Variants in TNFRSF25 observed in about 807,000 individuals in gnomAD.
The protein encoded by TNFRSF25 is tumor necrosis factor receptor superfamily member 25.
TNFRSF25 carries 28 observed loss-of-function variants against 49.4 expected under a neutral mutation model. The observed-to-expected ratio is 0.57, with a 90% CI of 0.42 to 0.78. The LOEUF (loss-of-function observed/expected upper bound fraction) is 0.78, where lower values mean the gene tolerates loss of function less well. TNFRSF25 is among the 30% of genes least tolerant of loss of function. TNFRSF25 has a pLI of 0.00. For missense variants in TNFRSF25, 531 were observed against 581.6 expected (o/e 0.91, Z 0.90); for synonymous variants, 240 against 234.2 (o/e 1.02, Z -0.23).
Position 6,466,157 on chromosome 1 carries a change from G to T in TNFRSF25, c.-50C>A. On this transcript the variant is annotated 5_prime_UTR_variant, in exon 1 of 10. Transcript: ENST00000356876. ...CTTCCCGGCTCCGTGCTCTCTGCCC[G>T]TCGTGGTTCCGCCTTCAGCCCCGCG... 1 of 1,401,160 alleles carries T rather than the reference G, an allele frequency of 7.1e-7. No homozygotes were observed. Among genetic ancestry groups the T allele is most frequent in the South Asian group, 1.6e-5 (1 of 62,580 alleles). 86.8% of individuals were successfully genotyped at this position (1,401,160 alleles called of 1,614,324 possible).
In TNFRSF25 at chr1:6,461,397, G is replaced by A. The variant is rs777836708; in HGVS notation, c.*37C>T. The A allele has an allele frequency of 1.2e-5, 17 of 1,475,220 alleles. No individual in the cohort carries two copies. The East Asian group carries it at 4.0e-4, about 34-fold the overall frequency. The allele number at this position is 1,475,220 out of a possible 1,614,324, so 91.4% of individuals were successfully genotyped here. A position where few individuals can be genotyped will look rare whatever the true frequency, so the allele number is the denominator to read the frequency against. ...TAACCGTACTTAGGGCTTCTGCAAGGGCCACCAGAGCGCCTAGGTGGCAAG... is the reference window on the plus strand; with the variant it reads ...TAACCGTACTTAGGGCTTCTGCAAGAGCCACCAGAGCGCCTAGGTGGCAAG... On this transcript the variant is annotated 3_prime_UTR_variant, in exon 10 of 10. Coordinates refer to ENST00000356876, the MANE Select transcript of TNFRSF25 (RefSeq NM_003790.3). This position sits in a 1 kb window ranked among gnomAD's most constrained non-coding sequence, Gnocchi z 6.3.
Position 6,461,459 on chromosome 1 carries a change from C to A in TNFRSF25, c.1229G>T (p.Arg410Leu), listed in dbSNP as rs778803045. 2 of 1,541,120 alleles carry A rather than the reference C, an allele frequency of 1.3e-6. No individual in the cohort carries two copies. The highest frequency in any genetic ancestry group is 1.2e-5 in the South Asian group (1 of 83,986). Residue 410 changes from arginine to leucine, a missense_variant, in exon 10 of 10, where the codon CGC becomes CTC. Arg to Leu is a moderately radical substitution (Grantham distance 102). Coordinates refer to ENST00000356876, the MANE Select transcript of TNFRSF25 (RefSeq NM_003790.3). The surrounding 1 kb of genome is among the most constrained non-coding windows in gnomAD (Gnocchi z 6.3). The part of the protein sequence containing the change: ...MGLDGCVEDL[R>L]SRLQRGP Reference sequence around the variant, plus strand: ...TCACGGGCCGCGCTGCAGGCGGCTGCGCAAGTCTTCCACGCAGCCGTCCAG... The same window carrying A: ...TCACGGGCCGCGCTGCAGGCGGCTGAGCAAGTCTTCCACGCAGCCGTCCAG...
At position 6,461,444 on chromosome 1, in the gene TNFRSF25, C is replaced by A; in HGVS notation, c.1244G>T (p.Arg415Leu). 6.6e-7 allele frequency: 1 copy of A among 1,517,470 alleles called. No homozygotes were observed. Among genetic ancestry groups the A allele is most frequent in the Non-Finnish European group, 8.8e-7 (1 of 1,134,338 alleles). 94.0% of individuals were successfully genotyped at this position (1,517,470 alleles called of 1,614,324 possible). ...CVEDLRSRLQ[R>L]GP ...CAAGTGGGCGCCGTGTCACGGGCCG[C>A]GCTGCAGGCGGCTGCGCAAGTCTTC... Residue 415 changes from arginine (R) to leucine (L), a missense_variant, in exon 10 of 10, where the codon CGC becomes CTC. Transcript: ENST00000356876. This position sits in a 1 kb window ranked among gnomAD's most constrained non-coding sequence, Gnocchi z 6.3.
Position 6,461,932 on chromosome 1 carries a change from C to T in TNFRSF25, c.925+62G>A. 2 of 1,541,068 alleles carry T rather than the reference C, an allele frequency of 1.3e-6. No homozygotes were observed. The highest frequency in any genetic ancestry group is 8.7e-7 in the Non-Finnish European group (1 of 1,147,510). ...GCAGAAAGGGAACACGTTGTGAAAC[C>T]ACAACTTCCCACCGCAGACAGGAGA... On this transcript the variant is annotated intron_variant, in intron 9 of 9. Coordinates refer to ENST00000356876, the MANE Select transcript of TNFRSF25 (RefSeq NM_003790.3). This position sits in a 1 kb window ranked among gnomAD's most constrained non-coding sequence, Gnocchi z 6.3.
At chr1:6,465,893 G>A (rs141743196) in intron 1 of TNFRSF25, 176 bp downstream of exon 1, 102 of 1,421,702 alleles carry the variant, frequency 7.2e-5, no homozygotes, top group Non-Finnish European at 8.1e-5. Context: ...TCCTGGGAGG[G>A]GTTTCCTCTC....
chr1:6,465,989 C>A, intron 1 of TNFRSF25, 80 bp downstream of exon 1: 1 of 1,512,868 alleles, frequency 6.6e-7, no homozygotes, highest in Non-Finnish European at 8.9e-7. Flanking sequence ...GGAGTGGAGA[C>A]GCGCCCGGGG....
chr1:6,461,492 C>T lies in TNFRSF25; in HGVS notation c.1196G>A (p.Arg399His), dbSNP rs775834542. 7.7e-5 allele frequency: 122 copies of T among 1,585,590 alleles called. No individual in the cohort carries two copies. The Middle Eastern group carries it at 1.3e-3, about 17-fold the overall frequency. The change falls in exon 10 of 10, where the codon CGC becomes CAC. Residue 399 changes from arginine (R) to histidine (H), a missense_variant. Arg to His is a conservative substitution (Grantham distance 29). Coordinates refer to ENST00000356876, the MANE Select transcript of TNFRSF25 (RefSeq NM_003790.3). This position sits in a 1 kb window ranked among gnomAD's most constrained non-coding sequence, Gnocchi z 6.3. ...TTCCACGCAGCCGTCCAGCCCCATG[C>T]GCTCCAGGGCCGCGTAAACGGCTCC... ...GLGAVYAALE[R>H]MGLDGCVEDL...
In TNFRSF25 at chr1:6,465,403, C is replaced by A. The variant is rs774429423; in HGVS notation, c.160+37G>T. On this transcript the variant is annotated intron_variant, in intron 2 of 9. Coordinates refer to ENST00000356876, the MANE Select transcript of TNFRSF25 (RefSeq NM_003790.3). ...CCTGCCCGCCACCTCTCCAGCCCTG[C>A]CTGCCCCATGCCTCTCCCACCCCTG... 3.1e-6 allele frequency: 5 copies of A among 1,613,234 alleles called. No homozygotes were observed. In the Admixed American group the frequency reaches 8.3e-5, roughly 27 times the overall value.
chr1:6,460,809 T>G lies in TNFRSF25; in HGVS notation c.*625A>C. On this transcript the variant is annotated 3_prime_UTR_variant, in exon 10 of 10. Coordinates refer to ENST00000356876, the MANE Select transcript of TNFRSF25 (RefSeq NM_003790.3). ...CAGACCCACTCGCTGCCGGGACCCTTTCACTGCCCCGGTGGAGTGAATAGA... is the reference window on the plus strand; with the variant it reads ...CAGACCCACTCGCTGCCGGGACCCTGTCACTGCCCCGGTGGAGTGAATAGA... 1 of 210,098 alleles carries G rather than the reference T, an allele frequency of 4.8e-6. No homozygotes were observed. The highest frequency in any genetic ancestry group is 5.4e-5 in the Admixed American group (1 of 18,520). 13.0% of individuals were successfully genotyped at this position (210,098 alleles called of 1,614,324 possible).
In TNFRSF25 at chr1:6,462,736, C is replaced by T. The variant is rs919392249; in HGVS notation, c.707-70G>A. 6.3e-7 allele frequency: 1 copy of T among 1,596,322 alleles called. No individual in the cohort carries two copies. Among genetic ancestry groups the T allele is most frequent in the Non-Finnish European group, 8.5e-7 (1 of 1,171,052 alleles). ...CTGGACCTGGGTGCTGGTACAGCTCCTCTAGGGTTCCTCTGCACCCCACAC... is the reference window on the plus strand; with the variant it reads ...CTGGACCTGGGTGCTGGTACAGCTCTTCTAGGGTTCCTCTGCACCCCACAC... On this transcript the variant is annotated intron_variant, in intron 7 of 9. Transcript: ENST00000356876. The surrounding 1 kb of genome is among the most constrained non-coding windows in gnomAD (Gnocchi z 4.2).
Position 6,462,735 on chromosome 1 carries a change from C to T in TNFRSF25, c.707-69G>A. The T allele has an allele frequency of 6.3e-7, 1 of 1,597,228 alleles. No individual in the cohort carries two copies. The highest frequency in any genetic ancestry group is 8.5e-7 in the Non-Finnish European group (1 of 1,171,510). ...CCTGGACCTGGGTGCTGGTACAGCT[C>T]CTCTAGGGTTCCTCTGCACCCCACA... On this transcript the variant is annotated intron_variant, in intron 7 of 9. Transcript: ENST00000356876. This position sits in a 1 kb window ranked among gnomAD's most constrained non-coding sequence, Gnocchi z 4.2.
intron 1 of TNFRSF25, 171 bp from the exon 2 acceptor site, chr1:6,465,731 C>G (rs952974636): frequency 8.0e-5 from 114 of 1,433,254 alleles, no homozygotes; most frequent in South Asian, 1.0e-4. Context: ...TCCTTCCCCC[C>G]GCGCACACAC....
chr1:6,465,554 G>A lies in TNFRSF25; in HGVS notation c.46C>T (p.Leu16Phe), dbSNP rs1200646937. 20 of 1,612,634 alleles carry A rather than the reference G, an allele frequency of 1.2e-5. No homozygotes were observed. Among genetic ancestry groups the A allele is most frequent in the East Asian group, 2.2e-5 (1 of 44,846 alleles). The change falls in exon 2 of 10, where the codon CTC becomes TTC. Residue 16 changes from leucine to phenylalanine, a missense_variant. Physicochemically the swap from Leu to Phe is conservative, Grantham distance 22 (BLOSUM62 0). Coordinates refer to ENST00000356876, the MANE Select transcript of TNFRSF25 (RefSeq NM_003790.3). Reference protein sequence around the residue: ...RGCAAVAAALLLVLLGARAQG... With the variant: ...RGCAAVAAALFLVLLGARAQG... ...GCCCGGGCCCCCAGCAGCACCAGGA[G>A]GAGCGCCTGGGGGACAGGTGCTGCT...
rs541916969 is a variant in TNFRSF25, at chr1:6,465,319, C to A, written c.161-97G>T. 7 of 1,531,710 alleles carry A rather than the reference C, an allele frequency of 4.6e-6. No homozygotes were observed. The African/African-American group carries it at 6.9e-5, about 15-fold the overall frequency. The allele number at this position is 1,531,710 out of a possible 1,614,324, so 94.9% of individuals were successfully genotyped here. A position where few individuals can be genotyped will look rare whatever the true frequency, so the allele number is the denominator to read the frequency against. Reference sequence around the variant, plus strand: ...CCTCCCTCCCTCTTTCTCTCCAGCTCCCTACTTCTCTGTCAGCCTACCCCT... The same window carrying A: ...CCTCCCTCCCTCTTTCTCTCCAGCTACCTACTTCTCTGTCAGCCTACCCCT... On this transcript the variant is annotated intron_variant, in intron 2 of 9. Coordinates refer to ENST00000356876, the MANE Select transcript of TNFRSF25 (RefSeq NM_003790.3).
intron 5 of TNFRSF25, 168 bp downstream of exon 5, chr1:6,464,207 C>A: frequency 6.8e-7 from 1 of 1,473,834 alleles, no homozygotes. Flanking sequence ...CCAGATTGCT[C>A]TTTTGCCATC....
In TNFRSF25 at chr1:6,462,845, G is replaced by A. The variant is rs765677011; in HGVS notation, c.706+18C>T. 2 of 1,597,246 alleles carry A rather than the reference G, an allele frequency of 1.3e-6. No homozygotes were observed. Among genetic ancestry groups the A allele is most frequent in the Non-Finnish European group, 1.7e-6 (2 of 1,170,698 alleles). ...TGACCCCAGGCTTCTGGGTGCGTGT[G>A]TGGGTGTGTGTACTTACCAGTAACC... On this transcript the variant is annotated intron_variant, in intron 7 of 9. Coordinates refer to ENST00000356876, the MANE Select transcript of TNFRSF25 (RefSeq NM_003790.3). This position sits in a 1 kb window ranked among gnomAD's most constrained non-coding sequence, Gnocchi z 4.2.
At position 6,466,162 on chromosome 1, in the gene TNFRSF25, G is replaced by T; in HGVS notation, c.-55C>A. On this transcript the variant is annotated 5_prime_UTR_variant, in exon 1 of 10. Coordinates refer to ENST00000356876, the MANE Select transcript of TNFRSF25 (RefSeq NM_003790.3). The stretch of plus-strand genomic sequence containing the variant: ...CGGCTCCGTGCTCTCTGCCCGTCGT[G>T]GTTCCGCCTTCAGCCCCGCGCCCGC... 7.2e-7 allele frequency: 1 copy of T among 1,384,598 alleles called. No individual in the cohort carries two copies. The highest frequency in any genetic ancestry group is 9.3e-7 in the Non-Finnish European group (1 of 1,073,146). The allele number at this position is 1,384,598 out of a possible 1,614,324, so 85.8% of individuals were successfully genotyped here.
chr1:6,464,414 C>G lies in TNFRSF25; in HGVS notation c.503G>C (p.Gly168Ala). ...GCAGCCATCGCCATGTTCATAGAAGCCAGGCAGGCAGGTCCCACAGTCAGT... is the reference window on the plus strand; with the variant it reads ...GCAGCCATCGCCATGTTCATAGAAGGCAGGCAGGCAGGTCCCACAGTCAGT... ...RDTDCGTCLP[G>A]FYEHGDGCVS... The change falls in exon 5 of 10, where the codon GGC becomes GCC. Residue 168 changes from glycine to alanine, a missense_variant. Transcript: ENST00000356876. The G allele has an allele frequency of 6.2e-7, 1 of 1,612,020 alleles. No homozygotes were observed. The highest frequency in any genetic ancestry group is 8.5e-7 in the Non-Finnish European group (1 of 1,179,286).
rs1044040339 is a variant in TNFRSF25, at chr1:6,461,236, C to A, written c.*198G>T. 12 of 747,282 alleles carry A rather than the reference C, an allele frequency of 1.6e-5. No individual in the cohort carries two copies. Among genetic ancestry groups the A allele is most frequent in the Non-Finnish European group, 2.7e-5 (11 of 413,690 alleles). 46.3% of individuals were successfully genotyped at this position (747,282 alleles called of 1,614,324 possible). On this transcript the variant is annotated 3_prime_UTR_variant, in exon 10 of 10. Transcript: ENST00000356876. The surrounding 1 kb of genome is among the most constrained non-coding windows in gnomAD (Gnocchi z 6.3). ...CCGAGAAGTTGAGAAATGTCTTCAC[C>A]CCCTCTCGACATTCGTTCGTGCTTC... is the stretch of plus-strand genomic sequence containing the variant.
Sources: gnomAD v4.1 joint callset for allele counts on GRCh38, gnomAD v4.1.1 for gene constraint, Gnocchi (gnomAD v3.1) non-coding constraint, MANE v1.5 for transcripts, NCBI Gene and HGNC (gene_info 2026-07-23, HGNC 2026-07-21) for gene names.